NCKAP1: variants seen among roughly 807,000 people sequenced by gnomAD.
NCKAP1 encodes NCK associated protein 1, also known as nck-associated protein 1.
NCKAP1 carries 21 observed loss-of-function variants against 151.2 expected under a neutral mutation model. The ratio of observed to expected loss-of-function variants is 0.14; its 90% CI spans 0.10 to 0.20. NCKAP1 has a LOEUF of 0.20. Ranked by LOEUF, NCKAP1 falls within the 10% of genes least tolerant of loss-of-function variation. NCKAP1 has a pLI of 1.00. For synonymous variants in NCKAP1, 484 were observed against 451.8 expected (o/e 1.07, Z -0.90); for missense variants, 933 against 1,352.1 (o/e 0.69, Z 4.86).
chr2:182,981,487 T>C (rs1697938251), intron 12 of NCKAP1, 111 bp from the exon 13 acceptor site: 1 of 685,490 alleles, frequency 1.5e-6, no homozygotes, highest in Non-Finnish European at 2.3e-6. Context: ...TAAAGGGCAT[T>C]GTTTAATACT....
Position 183,038,260 on chromosome 2 carries a change from A to G in NCKAP1, c.-161T>C. 2.3e-6 allele frequency: 1 copy of G among 443,288 alleles called. No individual in the cohort carries two copies. The highest frequency in any genetic ancestry group is 3.9e-6 in the Non-Finnish European group (1 of 257,832). The allele number at this position is 443,288 out of a possible 1,614,324, so 27.5% of individuals were successfully genotyped here. Reference sequence around the variant, plus strand: ...CGCGCCCCAATCCCGCGCCGGCGACAGAGCGAGCCGCGGCGGACTCCTCGG... The same window carrying G: ...CGCGCCCCAATCCCGCGCCGGCGACGGAGCGAGCCGCGGCGGACTCCTCGG... On this transcript the variant is annotated 5_prime_UTR_variant, in exon 1 of 31. Coordinates refer to ENST00000361354, the MANE Select transcript of NCKAP1 (RefSeq NM_013436.5).
intron 8 of NCKAP1, among the ~76,000 whole-genome samples, chr2:182,991,814 G>GA (rs1257485783): frequency 4.6e-5 from 7 of 151,916 alleles, no homozygotes; most frequent in South Asian, 2.1e-4. Context: ...CTGGAGATAG[G>GA]AAAAAAAATC....
At chr2:183,033,528 T>A (rs1699045132) in intron 1 of NCKAP1, among the ~76,000 whole-genome samples, 1 of 152,218 alleles carries the variant, frequency 6.6e-6, no homozygotes, top group Admixed American at 6.5e-5. Flanking sequence ...ACTAATTTCT[T>A]GGCACTAGAG....
intron 18 of NCKAP1, among the ~76,000 whole-genome samples, chr2:182,961,803 C>T (rs990888010): frequency 1.3e-5 from 2 of 151,740 alleles, no homozygotes; most frequent in African/African-American, 2.4e-5. Context: ...TAGCCAATGA[C>T]GGGGCAATCT....
In NCKAP1 at chr2:182,984,346, T is replaced by C. The variant is rs1393767256; in HGVS notation, c.1005-964A>G. Among the ~76,000 whole-genome samples, 13 of 149,070 alleles carry C rather than the reference T, an allele frequency of 8.7e-5. No homozygotes were observed. The Admixed American group carries it at 8.8e-4, about 10-fold the overall frequency. ...CACATATTAACAGAAGGAAAAAAAA[T>C]CATAAAATGTTCCAAGCAACTCCTC... On this transcript the variant is annotated intron_variant, in intron 10 of 30. Coordinates refer to ENST00000361354, the MANE Select transcript of NCKAP1 (RefSeq NM_013436.5).
Position 183,005,432 on chromosome 2 carries a change from A to G in NCKAP1, c.220-2107T>C, listed in dbSNP as rs1698452162. ...TCCATATTAAGAACCTAAGACCTAC[A>G]GACCTTAAAAGAACCTTCTTAAAGT... On this transcript the variant is annotated intron_variant, in intron 2 of 30. Transcript: ENST00000361354. Among the ~76,000 whole-genome samples, 3 of 152,172 alleles carry G rather than the reference A, an allele frequency of 2.0e-5. No individual in the cohort carries two copies. The South Asian group carries it at 6.2e-4, about 31-fold the overall frequency.
At chr2:182,948,468 TA>T (rs1453244684) in intron 23 of NCKAP1, among the ~76,000 whole-genome samples, 1 of 152,128 alleles carries the variant, frequency 6.6e-6, no homozygotes, top group Non-Finnish European at 1.5e-5. Context: ...CTCCAAAATA[TA>T]AGAGAGAAAT....
intron 6 of NCKAP1, among the ~76,000 whole-genome samples, chr2:182,996,450 T>C (rs1050494230): frequency 6.6e-6 from 1 of 152,228 alleles, no homozygotes; most frequent in Non-Finnish European, 1.5e-5. Flanking sequence ...CTAAAAATTC[T>C]GTAAAGAGTG....
At chr2:182,987,310 G>C (rs1698076730) in intron 9 of NCKAP1, among the ~76,000 whole-genome samples, 1 of 151,940 alleles carries the variant, frequency 6.6e-6, no homozygotes, top group African/African-American at 2.4e-5. Flanking sequence ...CAACTTCTAT[G>C]TTTAAGTGGT....
chr2:182,972,308 G>A (rs1697716976), intron 15 of NCKAP1, among the ~76,000 whole-genome samples: 1 of 149,580 alleles, frequency 6.7e-6, no homozygotes, highest in African/African-American at 2.5e-5. Flanking sequence ...AAGACATACA[G>A]GTGGCCAACA....
At chr2:183,021,818 G>A (rs1698803037) in intron 2 of NCKAP1, among the ~76,000 whole-genome samples, 1 of 152,092 alleles carries the variant, frequency 6.6e-6, no homozygotes, top group South Asian at 2.1e-4. Flanking sequence ...CTGCTAATGG[G>A]CACAAAGTTT....
chr2:183,037,995 C>A lies in NCKAP1; in HGVS notation c.105G>T (p.Lys35Asn). Residue 35 changes from lysine (K) to asparagine (N), a missense_variant, in exon 1 of 31, where the codon AAG (lysine) becomes AAT (asparagine). Transcript: ENST00000361354. ...VGMLTRLYNI[K>N]KACGDPKAKP... ...GGCCTCCCCGGCCCGTGCGCACCTTCTTGATGTTGTAGAGGCGGGTGAGCA... is the reference window on the plus strand; with the variant it reads ...GGCCTCCCCGGCCCGTGCGCACCTTATTGATGTTGTAGAGGCGGGTGAGCA... The A allele has an allele frequency of 6.3e-7, 1 of 1,583,300 alleles. No individual in the cohort carries two copies. The highest frequency in any genetic ancestry group is 8.5e-7 in the Non-Finnish European group (1 of 1,171,484).
chr2:182,956,715 C>G, intron 19 of NCKAP1, 122 bp from the exon 20 acceptor site: 1 of 1,008,732 alleles, frequency 9.9e-7, no homozygotes, highest in Non-Finnish European at 1.4e-6. Flanking sequence ...TTTTTATTCT[C>G]CTAAACTGAG....
At position 182,922,879 on chromosome 2, in the gene NCKAP1, T is replaced by C. The variant is rs182412799; in HGVS notation, c.*2823A>G. The C allele has an allele frequency of 6.6e-6, 1 of 152,346 alleles. No individual in the cohort carries two copies. Among genetic ancestry groups the C allele is most frequent in the East Asian group, 1.9e-4 (1 of 5,180 alleles). 9.4% of individuals were successfully genotyped at this position (152,346 alleles called of 1,614,324 possible). ...AATACCAAAAATTAACTGGGCGTAG[T>C]GGCGGGCGCCTGTAATCTCAGCTAC... On this transcript the variant is annotated 3_prime_UTR_variant, in exon 31 of 31. Transcript: ENST00000361354.
chr2:182,970,218 A>G (rs975614703), intron 15 of NCKAP1, among the ~76,000 whole-genome samples: 1 of 152,210 alleles, frequency 6.6e-6, no homozygotes, highest in Non-Finnish European at 1.5e-5. Context: ...AAACTGTTCC[A>G]AATAATTGAG....
At position 182,993,710 on chromosome 2, in the gene NCKAP1, C is replaced by T. The variant is rs548367191; in HGVS notation, c.790+1129G>A. Among the ~76,000 whole-genome samples the T allele has an allele frequency of 1.6e-3, 234 of 150,930 alleles. 2 individuals are homozygous for T. The highest frequency in any genetic ancestry group is 5.7e-3 in the African/African-American group (229 of 40,522). ...GGCACAAAGAAAGGAACAATAGACACCAGGGCCTACTTGAAGGTTGGGATA... is the reference window on the plus strand; with the variant it reads ...GGCACAAAGAAAGGAACAATAGACATCAGGGCCTACTTGAAGGTTGGGATA... On this transcript the variant is annotated intron_variant, in intron 8 of 30. Coordinates refer to ENST00000361354, the MANE Select transcript of NCKAP1 (RefSeq NM_013436.5).
intron 15 of NCKAP1, among the ~76,000 whole-genome samples, chr2:182,969,195 A>G (rs549525003): frequency 1.3e-5 from 2 of 152,226 alleles, no homozygotes; most frequent in Non-Finnish European, 2.9e-5. Context: ...AGGAGAGACC[A>G]TATGTTAGGC....
chr2:182,926,758 G>T, intron 30 of NCKAP1, 58 bp downstream of exon 30: 1 of 1,189,370 alleles, frequency 8.4e-7, no homozygotes, highest in Non-Finnish European at 1.2e-6. Context: ...GCCAAGAAAA[G>T]ATTCTCAGGA....
At position 182,961,135 on chromosome 2, in the gene NCKAP1, G is replaced by A. The variant is rs956391449; in HGVS notation, c.1881+1024C>T. 4.2e-4 allele frequency among the ~76,000 whole-genome samples: 64 copies of A among 152,180 alleles called. 1 individual carries two copies. The highest frequency in any genetic ancestry group is 1.0e-4 in the Non-Finnish European group (7 of 68,032). Reference sequence around the variant, plus strand: ...AGGAACACTTTTACACTGTTGGTGGGACTGTAAACTAGTTCAACCATTGTG... The same window carrying A: ...AGGAACACTTTTACACTGTTGGTGGAACTGTAAACTAGTTCAACCATTGTG... On this transcript the variant is annotated intron_variant, in intron 18 of 30. Coordinates refer to ENST00000361354, the MANE Select transcript of NCKAP1 (RefSeq NM_013436.5).
Sources: gnomAD v4.1 joint callset for allele counts (sites outside exome capture counted in the v4.1 genomes callset) on GRCh38, gnomAD v4.1.1 for gene constraint, MANE v1.5 for transcripts, NCBI Gene and HGNC (gene_info 2026-07-23, HGNC 2026-07-21) for gene names.